The following EFHC1 variants were observed in gnomAD, a reference collection of about 807,000 sequenced individuals.
EFHC1 encodes EF-hand domain containing 1.
In EFHC1, 53 loss-of-function variants were observed where a neutral mutation model predicts 69.9. The ratio of observed to expected loss-of-function variants is 0.76; its 90% CI spans 0.61 to 0.95. The LOEUF is 0.95. Among genes scored for constraint, EFHC1 ranks in the 40% least tolerant of loss-of-function variants. The pLI is 0.00. For synonymous variants in EFHC1, 256 were observed against 278.4 expected (o/e 0.92, Z 0.80); for missense variants, 739 against 798.7 (o/e 0.93, Z 0.90).
chr6:52,440,484 A>G (rs1397686568), intron 3 of EFHC1, among the ~76,000 whole-genome samples: 1 of 151,944 alleles, frequency 6.6e-6, no homozygotes, highest in Admixed American at 6.6e-5. Context: ...ACCTTCATGT[A>G]TATGTATATG....
At position 52,433,147 on chromosome 6, in the gene EFHC1, G is replaced by C. The variant is rs139178654; in HGVS notation, c.286-5157G>C. Among the ~76,000 whole-genome samples the C allele has an allele frequency of 3.8e-4, 58 of 152,026 alleles. No homozygotes were observed. The East Asian group carries it at 0.011, about 29-fold the overall frequency. On this transcript the variant is annotated intron_variant, in intron 2 of 10. Transcript: ENST00000371068. ...CCTTTCTCTGGTGCCTTCCTGATCA[G>C]CTTAATAACTAACCTTCTAAATTAT...
At chr6:52,475,999 G>A (rs1765537827) in intron 7 of EFHC1, among the ~76,000 whole-genome samples, 1 of 152,148 alleles carries the variant, frequency 6.6e-6, no homozygotes, top group Non-Finnish European at 1.5e-5. Context: ...GAAACCAAAC[G>A]AATAGCTGAG....
rs567978636 is a variant in EFHC1, at chr6:52,479,302, T to G, written c.1492+52T>G. On this transcript the variant is annotated intron_variant, in intron 8 of 10. Coordinates refer to ENST00000371068, the MANE Select transcript of EFHC1 (RefSeq NM_018100.4). ...CCTACTGGCTGCCTGAATGAGTTCT[T>G]AATTGGAATTTAATTCATTTAACCC... 7 of 1,581,070 alleles carry G rather than the reference T, an allele frequency of 4.4e-6. No individual in the cohort carries two copies. The East Asian group carries it at 1.3e-4, about 30-fold the overall frequency.
chr6:52,470,666 T>A (rs1229900870), intron 7 of EFHC1, among the ~76,000 whole-genome samples: 1 of 152,252 alleles, frequency 6.6e-6, no homozygotes, highest in Non-Finnish European at 1.5e-5. Context: ...CAACCCAGTA[T>A]TCTTTTGATG....
chr6:52,445,332 G>T (rs1764757957), intron 3 of EFHC1, among the ~76,000 whole-genome samples: 2 of 150,588 alleles, frequency 1.3e-5, no homozygotes, highest in Non-Finnish European at 2.9e-5. Context: ...AAGTTTTAGG[G>T]TACATGTGCA....
At chr6:52,461,306 T>C (rs1765161007) in intron 5 of EFHC1, among the ~76,000 whole-genome samples, 1 of 152,180 alleles carries the variant, frequency 6.6e-6, no homozygotes, top group African/African-American at 2.4e-5. Flanking sequence ...CCACTTATAA[T>C]TGAGAAACGT....
At chr6:52,465,618 C>G (rs1299923122) in intron 6 of EFHC1, among the ~76,000 whole-genome samples, 1 of 151,732 alleles carries the variant, frequency 6.6e-6, no homozygotes, top group Non-Finnish European at 1.5e-5. Flanking sequence ...ACCAGCCTGG[C>G]CAACGTAGTG....
At chr6:52,468,140 G>C (rs1385887480) in intron 6 of EFHC1, among the ~76,000 whole-genome samples, 2 of 152,170 alleles carry the variant, frequency 1.3e-5, no homozygotes, top group Non-Finnish European at 2.9e-5. Flanking sequence ...AAAGAAACCA[G>C]AACTAGGAGA....
chr6:52,473,451 T>C (rs1765480638), intron 7 of EFHC1, among the ~76,000 whole-genome samples: 1 of 151,910 alleles, frequency 6.6e-6, no homozygotes, highest in Admixed American at 6.6e-5. Context: ...GGGAAAGATT[T>C]ATTTAGTCGG....
intron 4 of EFHC1, chr6:52,453,777 A>G (rs1764973499): frequency 1.6e-6 from 2 of 1,271,376 alleles, no homozygotes; most frequent in Non-Finnish European, 2.0e-6. Context: ...ATATACCACT[A>G]TGTAAAGAAC....
At chr6:52,442,411 A>AC (rs1401273038) in intron 3 of EFHC1, among the ~76,000 whole-genome samples, 10 of 151,950 alleles carry the variant, frequency 6.6e-5, no homozygotes, top group African/African-American at 2.4e-4. Context: ...TTTGTCATTC[A>AC]ATTAGGTATA....
chr6:52,423,726 G>A (rs1423609042), intron 1 of EFHC1: 4 of 834,544 alleles, frequency 4.8e-6, no homozygotes, highest in Non-Finnish European at 3.5e-6. Context: ...GGCTGGTCTC[G>A]AACTCTGGGG....
At chr6:52,450,897 C>G in intron 3 of EFHC1, among the ~76,000 whole-genome samples, 1 of 152,136 alleles carries the variant, frequency 6.6e-6, no homozygotes, top group East Asian at 1.9e-4. Context: ...CTCCCAGGCT[C>G]AAGTGATTCT....
At chr6:52,441,809 C>A (rs1303065988) in intron 3 of EFHC1, among the ~76,000 whole-genome samples, 6 of 152,054 alleles carry the variant, frequency 3.9e-5, no homozygotes, top group Non-Finnish European at 4.4e-5. Flanking sequence ...TTGTAGAGAT[C>A]TTTCATCTCC....
chr6:52,437,903 G>A (rs1213024201), intron 2 of EFHC1, among the ~76,000 whole-genome samples: 3 of 152,208 alleles, frequency 2.0e-5, no homozygotes, highest in African/African-American at 7.2e-5. Context: ...AATTTAGTCT[G>A]TGTATCTCTG....
intron 2 of EFHC1, among the ~76,000 whole-genome samples, chr6:52,436,749 C>T (rs985673444): frequency 1.3e-5 from 2 of 152,130 alleles, no homozygotes; most frequent in Non-Finnish European, 2.9e-5. Flanking sequence ...TCAAATGATT[C>T]TCCTACCATA....
At position 52,492,417 on chromosome 6, in the gene EFHC1, A is replaced by G; in HGVS notation, c.*76A>G. The stretch of plus-strand genomic sequence containing the variant: ...GAAATACACCTTACACTCTTCATAG[A>G]GGCATTTACAGGGTTCCTGAAGTTT... On this transcript the variant is annotated 3_prime_UTR_variant, in exon 11 of 11. Coordinates refer to ENST00000371068, the MANE Select transcript of EFHC1 (RefSeq NM_018100.4). 7.3e-7 allele frequency: 1 copy of G among 1,374,894 alleles called. No individual in the cohort carries two copies. Among genetic ancestry groups the G allele is most frequent in the Non-Finnish European group, 1.0e-6 (1 of 972,916 alleles). 85.2% of individuals were successfully genotyped at this position (1,374,894 alleles called of 1,614,324 possible).
At position 52,492,736 on chromosome 6, in the gene EFHC1, T is replaced by TC. The variant is rs1221744718; in HGVS notation, c.*399dup. On this transcript the variant is annotated 3_prime_UTR_variant, in exon 11 of 11. Coordinates refer to ENST00000371068, the MANE Select transcript of EFHC1 (RefSeq NM_018100.4). ...CTCAAGTGATCCTCCCACTTCAACCTCCCCAGTAGCTGGGACAACAGGCTC... is the reference window on the plus strand; with the variant it reads ...CTCAAGTGATCCTCCCACTTCAACCTCCCCCAGTAGCTGGGACAACAGGCTC... 2.3e-6 allele frequency: 1 copy of TC among 442,512 alleles called. No homozygotes were observed. The highest frequency in any genetic ancestry group is 1.6e-5 in the South Asian group (1 of 61,358). 27.4% of individuals were successfully genotyped at this position (442,512 alleles called of 1,614,324 possible). A position where few individuals can be genotyped will look rare whatever the true frequency, so the allele number is the denominator to read the frequency against.
intron 9 of EFHC1, among the ~76,000 whole-genome samples, chr6:52,480,968 T>C (rs1257377617): frequency 6.6e-6 from 1 of 152,174 alleles, no homozygotes; most frequent in Admixed American, 6.5e-5. Context: ...CAGGGGCATC[T>C]GAATAGAGGA....
Sources: gnomAD v4.1 joint callset for allele counts (sites outside exome capture counted in the v4.1 genomes callset) on GRCh38, gnomAD v4.1.1 for gene constraint, MANE v1.5 for transcripts, NCBI Gene and HGNC (gene_info 2026-07-23, HGNC 2026-07-21) for gene names.